FNDC3B: variants seen among roughly 807,000 people sequenced by gnomAD.
FNDC3B encodes the protein fibronectin type III domain containing 3B.
FNDC3B carries 12 observed loss-of-function variants against 151.5 expected under a neutral mutation model. The ratio of observed to expected loss-of-function variants is 0.08; its 90% CI spans 0.05 to 0.13. FNDC3B has a LOEUF of 0.13. FNDC3B is among the 10% of genes least tolerant of loss of function. The pLI is 1.00. For missense variants in FNDC3B, 1,214 were observed against 1,505.3 expected, an observed-to-expected ratio of 0.81 and a Z score of 3.20; for synonymous variants, 528 against 549.0, an observed-to-expected ratio of 0.96 and a Z score of 0.54.
chr3:172,207,620 A>C (rs1725497567), intron 3 of FNDC3B, among the ~76,000 whole-genome samples: 1 of 152,136 alleles, frequency 6.6e-6, no homozygotes, highest in South Asian at 2.1e-4. Flanking sequence ...CGGGGCCTGG[A>C]AAAAGTATCA....
intron 12 of FNDC3B, 110 bp downstream of exon 12, chr3:172,329,186 A>T: frequency 7.8e-7 from 1 of 1,274,798 alleles, no homozygotes; most frequent in South Asian, 1.5e-5. Flanking sequence ...CACTAAATCA[A>T]CTGGAGGTTT....
rs565940923 is a variant in FNDC3B, at chr3:172,352,591, T to C, written c.2515-212T>C. 2.0e-5 allele frequency among the ~76,000 whole-genome samples: 3 copies of C among 152,280 alleles called. No individual in the cohort carries two copies. The highest frequency in any genetic ancestry group is 3.9e-4 in the East Asian group (2 of 5,184). On this transcript the variant is annotated intron_variant, in intron 21 of 25. Coordinates refer to ENST00000415807, the MANE Select transcript of FNDC3B (RefSeq NM_022763.4). This position sits in a 1 kb window ranked among gnomAD's most constrained non-coding sequence, Gnocchi z 4.2. ...TTAAATTATTTGTCATAAGAAACGATGGTGGCCATATTTTGCTTTAATAAT... is the reference window on the plus strand; with the variant it reads ...TTAAATTATTTGTCATAAGAAACGACGGTGGCCATATTTTGCTTTAATAAT...
intron 2 of FNDC3B, among the ~76,000 whole-genome samples, chr3:172,123,885 G>T (rs1720677308): frequency 6.6e-6 from 1 of 152,168 alleles, no homozygotes; most frequent in Non-Finnish European, 1.5e-5. Flanking sequence ...CAGATACTAG[G>T]TTTATCTATA....
intron 7 of FNDC3B, among the ~76,000 whole-genome samples, chr3:172,288,924 T>C (rs7630681): frequency 0.36 from 54,251 of 152,088 alleles, 12,622 homozygotes; most frequent in African/African-American, 0.67. Context: ...AAGGGGAGTT[T>C]GTATGAAGAG....
Position 172,247,478 on chromosome 3 carries a change from A to G in FNDC3B, c.265-55A>G, listed in dbSNP as rs1476847112. ...AAAGTGGAAGTTATTAATACTATAT[A>G]TATTCATAGGCTGCTAATATGTACT... On this transcript the variant is annotated intron_variant, in intron 4 of 25. Coordinates refer to ENST00000415807, the MANE Select transcript of FNDC3B (RefSeq NM_022763.4). 7.1e-6 allele frequency: 11 copies of G among 1,552,246 alleles called. No homozygotes were observed. In the East Asian group the frequency reaches 2.3e-4, roughly 32 times the overall value.
chr3:172,073,200 C>T (rs1717862756), intron 1 of FNDC3B, among the ~76,000 whole-genome samples: 1 of 152,146 alleles, frequency 6.6e-6, no homozygotes, highest in Non-Finnish European at 1.5e-5. Flanking sequence ...TGCTATTTCT[C>T]AGCTACTGTG....
chr3:172,364,539 T>C (rs890398557), intron 23 of FNDC3B, among the ~76,000 whole-genome samples: 5 of 152,180 alleles, frequency 3.3e-5, no homozygotes, highest in Non-Finnish European at 7.4e-5. Context: ...CACCCCCTCT[T>C]GCTGCAATCC....
chr3:172,348,959 G>T (rs1560093427), intron 21 of FNDC3B, among the ~76,000 whole-genome samples: 1 of 152,118 alleles, frequency 6.6e-6, no homozygotes, highest in African/African-American at 2.4e-5. Flanking sequence ...ACAAAGTCAA[G>T]TTAAACCCCA....
At chr3:172,149,806 G>GTTTTTTTTTTTTGTTTTGTTTTTTTTT (rs1722115733) in intron 3 of FNDC3B, among the ~76,000 whole-genome samples, 3 of 52,458 alleles carry the variant, frequency 5.7e-5, no homozygotes, top group Non-Finnish European at 9.7e-5. Context: ...TATGTTGGGT[G>GTTTTTTTTTTTTGTTTTGTTTTTTTTT]TTTTTTTTTT....
intron 15 of FNDC3B, among the ~76,000 whole-genome samples, chr3:172,336,401 G>A (rs1732969319): frequency 6.6e-6 from 1 of 152,172 alleles, no homozygotes; most frequent in Admixed American, 6.5e-5. Context: ...CTAGTCATAA[G>A]CCAGAACCTT....
chr3:172,109,988 A>G (rs989824555), intron 1 of FNDC3B, among the ~76,000 whole-genome samples: 1 of 152,184 alleles, frequency 6.6e-6, no homozygotes, highest in African/African-American at 2.4e-5. Flanking sequence ...TGGGGGATCC[A>G]TCTACCTTAT....
intron 23 of FNDC3B, among the ~76,000 whole-genome samples, chr3:172,373,823 A>G (rs1480854625): frequency 6.6e-6 from 1 of 152,178 alleles, no homozygotes; most frequent in Admixed American, 6.5e-5. Flanking sequence ...TCCTGGAATG[A>G]TGGGAAATAA....
At chr3:172,296,806 A>G (rs1730635115) in intron 8 of FNDC3B, among the ~76,000 whole-genome samples, 1 of 152,206 alleles carries the variant, frequency 6.6e-6, no homozygotes, top group African/African-American at 2.4e-5. Context: ...TGTCAGCCAC[A>G]TGCAGACCAG....
intron 25 of FNDC3B, 137 bp from the exon 26 acceptor site, chr3:172,397,027 C>T (rs1338712758): frequency 4.6e-6 from 3 of 654,286 alleles, no homozygotes; most frequent in East Asian, 5.7e-5. Context: ...GAGAGAAGTA[C>T]ATTTTTATAT....
At chr3:172,092,933 G>A (rs1210834294) in intron 1 of FNDC3B, among the ~76,000 whole-genome samples, 1 of 152,012 alleles carries the variant, frequency 6.6e-6, no homozygotes, top group Non-Finnish European at 1.5e-5. Flanking sequence ...AGTCTCCTGA[G>A]TAGCTGAGAT....
chr3:172,397,287 A>G lies in FNDC3B; in HGVS notation c.3427A>G (p.Ser1143Gly), dbSNP rs769495707. 1 of 1,614,210 alleles carries G rather than the reference A, an allele frequency of 6.2e-7. No homozygotes were observed. The highest frequency in any genetic ancestry group is 8.5e-7 in the Non-Finnish European group (1 of 1,180,012). ...CTCTCAGGAGCTAAGCGGAGCCTTC[A>G]GCCCCTCTGCGGCTTTTGTATTACA... ...DTSQELSGAFSPSAAFVLQRS... is the reference protein window; with the variant it reads ...DTSQELSGAFGPSAAFVLQRS... Residue 1143 changes from serine (S) to glycine (G), a missense_variant, in exon 26 of 26, where the codon AGC (serine) becomes GGC (glycine). By Grantham distance (56) the Ser-to-Gly change is moderately conservative. Transcript: ENST00000415807.
chr3:172,135,870 A>G (rs1387633953), intron 3 of FNDC3B, among the ~76,000 whole-genome samples: 1 of 152,236 alleles, frequency 6.6e-6, no homozygotes, highest in Non-Finnish European at 1.5e-5. Flanking sequence ...TGGGTAGAAT[A>G]TAGCAACATA....
chr3:172,265,035 G>T (rs1027558779), intron 6 of FNDC3B, among the ~76,000 whole-genome samples: 1 of 152,176 alleles, frequency 6.6e-6, no homozygotes, highest in Non-Finnish European at 1.5e-5. Context: ...CTTGTCAATA[G>T]CTCTGATAAA....
intron 3 of FNDC3B, among the ~76,000 whole-genome samples, chr3:172,140,703 G>C (rs1211597183): frequency 6.6e-6 from 1 of 152,152 alleles, no homozygotes; most frequent in South Asian, 2.1e-4. Context: ...CATCTTGCTG[G>C]GATTGTGTAA....
Sources: gnomAD v4.1 joint callset for allele counts (sites outside exome capture counted in the v4.1 genomes callset) on GRCh38, gnomAD v4.1.1 for gene constraint, Gnocchi (gnomAD v3.1) non-coding constraint, MANE v1.5 for transcripts, NCBI Gene and HGNC (gene_info 2026-07-23, HGNC 2026-07-21) for gene names.